Variants in CACNA1E observed in about 807,000 individuals in gnomAD.
The protein encoded by CACNA1E is calcium voltage-gated channel subunit alpha1 E.
CACNA1E carries 40 observed loss-of-function variants against 259.2 expected under a neutral mutation model. The observed-to-expected ratio is 0.15, with a 90% CI of 0.12 to 0.20. The LOEUF (loss-of-function observed/expected upper bound fraction) is 0.20. CACNA1E is among the 10% of genes least tolerant of loss of function. The pLI is 1.00. For missense variants in CACNA1E, 1,874 were observed against 3,040.1 expected, an observed-to-expected ratio of 0.62 and a Z score of 9.02; for synonymous variants, 1,104 against 1,138.5, an observed-to-expected ratio of 0.97 and a Z score of 0.61.
At chr1:181,432,475 A>G (rs1659786990) in intron 2 of CACNA1E, among the ~76,000 whole-genome samples, 1 of 152,220 alleles carries the variant, frequency 6.6e-6, no homozygotes, top group Non-Finnish European at 1.5e-5. Flanking sequence ...TAACAAAAAA[A>G]TGTTTTCACA....
At chr1:181,506,158 G>A (rs967358149) in intron 1 of CACNA1E, among the ~76,000 whole-genome samples, 3 of 152,228 alleles carry the variant, frequency 2.0e-5, no homozygotes, top group Non-Finnish European at 4.4e-5. Context: ...TGCCATGAAG[G>A]GTGATGGTCT....
chr1:181,709,314 C>G (rs1049969209), intron 7 of CACNA1E, among the ~76,000 whole-genome samples: 2 of 152,206 alleles, frequency 1.3e-5, no homozygotes, highest in African/African-American at 4.8e-5. Context: ...TTCCCTTCCC[C>G]CATAGCACCT....
intron 2 of CACNA1E, among the ~76,000 whole-genome samples, chr1:181,421,593 T>C (rs1658749754): frequency 1.3e-5 from 2 of 152,246 alleles, no homozygotes; most frequent in Admixed American, 1.3e-4. Context: ...CCTGATCCTC[T>C]TCTGATCCTG....
chr1:181,618,626 C>A (rs1231096237), intron 6 of CACNA1E, among the ~76,000 whole-genome samples: 3 of 152,122 alleles, frequency 2.0e-5, no homozygotes, highest in Non-Finnish European at 2.9e-5. Flanking sequence ...ACGAAGTGTC[C>A]TCATCCATAT....
At chr1:181,745,215 C>T (rs572904833) in intron 25 of CACNA1E, 18 of 294,784 alleles carry the variant, frequency 6.1e-5, no homozygotes, top group Admixed American at 8.2e-5. Flanking sequence ...TTTTAGTGAA[C>T]GCTGGAAAAT....
At chr1:181,574,873 A>G (rs2102954355) in intron 3 of CACNA1E, among the ~76,000 whole-genome samples, 1 of 152,168 alleles carries the variant, frequency 6.6e-6, no homozygotes, top group Non-Finnish European at 1.5e-5. Context: ...AAAAATACAA[A>G]AATCAGCCAG....
intron 3 of CACNA1E, among the ~76,000 whole-genome samples, chr1:181,558,997 G>A (rs1000747498): frequency 6.6e-6 from 1 of 152,216 alleles, no homozygotes; most frequent in Non-Finnish European, 1.5e-5. Context: ...AAACAGTCAC[G>A]TGTAGATGTG....
chr1:181,370,829 A>G (rs1040704870), intron 1 of CACNA1E, among the ~76,000 whole-genome samples: 9 of 152,290 alleles, frequency 5.9e-5, no homozygotes, highest in African/African-American at 2.2e-4. Context: ...TTCTGCTCTA[A>G]GTTCTTTGAG....
chr1:181,545,946 C>T (rs774303054), intron 3 of CACNA1E, among the ~76,000 whole-genome samples: 1 of 152,002 alleles, frequency 6.6e-6, no homozygotes, highest in Non-Finnish European at 1.5e-5. Context: ...ATCACGTGTG[C>T]CTCTAGGGGG....
At chr1:181,409,547 A>C (rs1657698647) in intron 1 of CACNA1E, among the ~76,000 whole-genome samples, 1 of 152,220 alleles carries the variant, frequency 6.6e-6, no homozygotes. Flanking sequence ...AAGAAGAACA[A>C]GACAAAATTG....
At chr1:181,775,823 C>A (rs1659923972) in intron 37 of CACNA1E, among the ~76,000 whole-genome samples, 2 of 152,188 alleles carry the variant, frequency 1.3e-5, no homozygotes, top group South Asian at 4.1e-4. Context: ...ACAGCAGAGA[C>A]CACACAGCCT....
At chr1:181,599,966 T>C (rs1653578862) in intron 6 of CACNA1E, among the ~76,000 whole-genome samples, 2 of 152,248 alleles carry the variant, frequency 1.3e-5, no homozygotes, top group African/African-American at 4.8e-5. Context: ...TGATGATATC[T>C]ATTAAACAAT....
In CACNA1E at chr1:181,716,109, G is replaced by A. The variant is rs1345982191; in HGVS notation, c.1295G>A (p.Cys432Tyr). 7 of 1,566,930 alleles carry A rather than the reference G, an allele frequency of 4.5e-6. No individual in the cohort carries two copies. The South Asian group carries it at 7.1e-5, about 16-fold the overall frequency. ...ACTCGAGACTCCAGTGATGAGCACT[G>A]TGTTGATATCTCCTCTGTGGGTGAG... Reference protein sequence around the residue: ...AMTRDSSDEHCVDISSVGTPL... With the variant: ...AMTRDSSDEHYVDISSVGTPL... The change falls in exon 10 of 48, where the codon TGT (cysteine) becomes TAT (tyrosine). Residue 432 changes from cysteine to tyrosine, a missense_variant. By Grantham distance (194) the Cys-to-Tyr change is radical. Transcript: ENST00000367573.
chr1:181,565,519 A>C (rs1649732619), intron 3 of CACNA1E, among the ~76,000 whole-genome samples: 1 of 152,124 alleles, frequency 6.6e-6, no homozygotes, highest in Non-Finnish European at 1.5e-5. Flanking sequence ...AGATCAACCA[A>C]ACTCTATTGG....
At chr1:181,738,754 A>G (rs182233700) in intron 24 of CACNA1E, among the ~76,000 whole-genome samples, 3 of 152,350 alleles carry the variant, frequency 2.0e-5, no homozygotes, top group African/African-American at 7.2e-5. Flanking sequence ...GCAAAGGGCT[A>G]GGTAGAGATG....
intron 2 of CACNA1E, among the ~76,000 whole-genome samples, chr1:181,461,817 GA>G (rs906051673): frequency 6.6e-6 from 1 of 151,460 alleles, no homozygotes; most frequent in Non-Finnish European, 1.5e-5. Flanking sequence ...ATTTGTTATA[GA>G]AAATATGGAA....
At chr1:181,347,663 G>A (rs573891890) in intron 1 of CACNA1E, among the ~76,000 whole-genome samples, 6 of 152,286 alleles carry the variant, frequency 3.9e-5, no homozygotes, top group East Asian at 3.9e-4. Context: ...TTCACGTTGC[G>A]TGTTTCAGTC....
chr1:181,788,732 T>C (rs1415367599), intron 43 of CACNA1E, among the ~76,000 whole-genome samples: 7 of 152,364 alleles, frequency 4.6e-5, no homozygotes, highest in Non-Finnish European at 7.3e-5. Context: ...ATGCCCCGGC[T>C]TGACAAGGTT....
chr1:181,735,557 A>G (rs1256555563), intron 21 of CACNA1E, among the ~76,000 whole-genome samples: 20 of 152,204 alleles, frequency 1.3e-4, no homozygotes. Context: ...TGAGTATGGA[A>G]ACAGAGCAGC....
Sources: allele counts gnomAD v4.1 joint callset (sites outside exome capture counted in the v4.1 genomes callset), GRCh38; gene constraint gnomAD v4.1.1; transcripts MANE v1.5; gene names NCBI Gene and HGNC (gene_info 2026-07-23, HGNC 2026-07-21).